The following PLXNA4 variants were observed in gnomAD, a reference collection of about 807,000 sequenced individuals.
PLXNA4 encodes the protein plexin-A4.
In PLXNA4, 44 loss-of-function variants were observed where a neutral mutation model predicts 191.8. That is an observed-to-expected ratio of 0.23 (90% CI 0.18 to 0.29). The LOEUF is 0.29. Among genes scored for constraint, PLXNA4 ranks in the 10% least tolerant of loss-of-function variants. The pLI is 1.00. For synonymous variants in PLXNA4, 1,082 were observed against 1,009.5 expected, an observed-to-expected ratio of 1.07 and a Z score of -1.36; for missense variants, 1,800 against 2,488.8, an observed-to-expected ratio of 0.72 and a Z score of 5.89.
At chr7:132,130,936 A>G (rs1794908803) in intron 31 of PLXNA4, among the ~76,000 whole-genome samples, 1 of 152,184 alleles carries the variant, frequency 6.6e-6, no homozygotes, top group Admixed American at 6.5e-5. Context: ...AGCTAGTTCC[A>G]TATCCGATGG....
chr7:132,626,302 A>G (rs1423202125), intron 2 of PLXNA4, among the ~76,000 whole-genome samples: 1 of 152,148 alleles, frequency 6.6e-6, no homozygotes, highest in Non-Finnish European at 1.5e-5. Context: ...TTCCCTCTCA[A>G]TCTAGCCTGA....
chr7:132,364,750 T>C (rs1413891669), intron 3 of PLXNA4, among the ~76,000 whole-genome samples: 2 of 152,196 alleles, frequency 1.3e-5, no homozygotes, highest in Non-Finnish European at 2.9e-5. Flanking sequence ...CGTAGTTTCA[T>C]CCTGTGGTTG....
chr7:132,400,941 A>G (rs1563078175), intron 3 of PLXNA4, among the ~76,000 whole-genome samples: 1 of 152,208 alleles, frequency 6.6e-6, no homozygotes, highest in Non-Finnish European at 1.5e-5. Flanking sequence ...TGTTTGGTCT[A>G]TTTTCAATTT....
At chr7:132,309,293 G>A (rs567077854) in intron 3 of PLXNA4, among the ~76,000 whole-genome samples, 2 of 152,246 alleles carry the variant, frequency 1.3e-5, no homozygotes, top group Admixed American at 6.5e-5. Context: ...TGAGAGATGC[G>A]GCATCTCTGA....
At chr7:132,288,083 C>A (rs1048675572) in intron 4 of PLXNA4, among the ~76,000 whole-genome samples, 1 of 152,102 alleles carries the variant, frequency 6.6e-6, no homozygotes, top group African/African-American at 2.4e-5. Flanking sequence ...GAGGAGGGGG[C>A]TGGGAAAGGC....
intron 3 of PLXNA4, among the ~76,000 whole-genome samples, chr7:132,393,048 T>C (rs1384569227): frequency 1.3e-5 from 2 of 150,472 alleles, no homozygotes; most frequent in East Asian, 4.0e-4. Flanking sequence ...AATAAAACTA[T>C]TACAGTTTTA....
intron 2 of PLXNA4, among the ~76,000 whole-genome samples, chr7:132,617,732 T>A (rs1298572781): frequency 6.6e-6 from 1 of 152,180 alleles, no homozygotes; most frequent in South Asian, 2.1e-4. Flanking sequence ...GGATCCCAAG[T>A]GGATAAGAAG....
intron 3 of PLXNA4, among the ~76,000 whole-genome samples, chr7:132,304,753 A>G (rs1352511998): frequency 1.3e-5 from 2 of 152,084 alleles, no homozygotes; most frequent in Admixed American, 1.3e-4. Flanking sequence ...GGCATGCTCC[A>G]TTGAGATTTT....
Position 132,130,321 on chromosome 7 carries a change from G to A in PLXNA4, c.*158C>T, listed in dbSNP as rs1794888016. 4.9e-6 allele frequency: 5 copies of A among 1,013,326 alleles called. No homozygotes were observed. Among genetic ancestry groups the A allele is most frequent in the East Asian group, 2.7e-5 (1 of 37,432 alleles). 62.8% of individuals were successfully genotyped at this position (1,013,326 alleles called of 1,614,324 possible). A position where few individuals can be genotyped will look rare whatever the true frequency, so the allele number is the denominator to read the frequency against. On this transcript the variant is annotated 3_prime_UTR_variant, in exon 32 of 32. Coordinates refer to ENST00000321063, the MANE Select transcript of PLXNA4 (RefSeq NM_020911.2). The stretch of plus-strand genomic sequence containing the variant: ...TGGAAGAGAAGAGATCCAGGAAGGA[G>A]GGAGAAACGGAAAGAGGCAGAGAGA...
intron 2 of PLXNA4, among the ~76,000 whole-genome samples, chr7:132,504,931 T>C (rs1798397964): frequency 6.6e-6 from 1 of 152,118 alleles, no homozygotes; most frequent in Non-Finnish European, 1.5e-5. Flanking sequence ...ACGAAACACG[T>C]GTGGTCTGAG....
At chr7:132,461,888 CT>C (rs1375823360) in intron 3 of PLXNA4, among the ~76,000 whole-genome samples, 2 of 152,330 alleles carry the variant, frequency 1.3e-5, no homozygotes, top group Admixed American at 6.5e-5. Flanking sequence ...AAAACAAAGT[CT>C]TAATGGCAAA....
intron 29 of PLXNA4, 129 bp from the exon 30 acceptor site, chr7:132,140,940 G>A (rs1795249937): frequency 2.1e-6 from 3 of 1,452,972 alleles, no homozygotes; most frequent in Non-Finnish European, 2.7e-6. Context: ...TCTCTATGCT[G>A]CGGATGGGAT....
At position 132,202,658 on chromosome 7, in the gene PLXNA4, G is replaced by C. The variant is rs769868277; in HGVS notation, c.2574C>G (p.Pro858=). The change falls in exon 12 of 32, where the codon CCC becomes CCG. Residue 858 remains proline, a synonymous_variant. Transcript: ENST00000321063. ...GACCCCGGCTTACCTCTGTGATGCG[G>C]GGGTTTGTGCACTTGCTTTTGGCAC... The part of the protein sequence containing the change: ...LSGAKSKCTN[P]RITEIIPVTG... The C allele has an allele frequency of 1.3e-6, 2 of 1,524,064 alleles. No individual in the cohort carries two copies. Among genetic ancestry groups the C allele is most frequent in the East Asian group, 2.4e-5 (1 of 41,802 alleles). 94.4% of individuals were successfully genotyped at this position (1,524,064 alleles called of 1,614,324 possible).
chr7:132,162,667 G>A (rs112858645), intron 24 of PLXNA4, among the ~76,000 whole-genome samples: 5 of 152,006 alleles, frequency 3.3e-5, no homozygotes, highest in African/African-American at 9.7e-5. Context: ...CATTTTAATC[G>A]GAGCCTCTCT....
chr7:132,272,215 C>T lies in PLXNA4; in HGVS notation c.1503+25876G>A, dbSNP rs543490246. On this transcript the variant is annotated intron_variant, in intron 4 of 31. Coordinates refer to ENST00000321063, the MANE Select transcript of PLXNA4 (RefSeq NM_020911.2). ...TCCCTGCATTCTGTTATCATCAGTG[C>T]TATTTAACCTCCTCAATATCTCTTA... Among the ~76,000 whole-genome samples the T allele has an allele frequency of 6.6e-5, 10 of 152,304 alleles. No individual in the cohort carries two copies. In the South Asian group the frequency reaches 8.3e-4, roughly 13 times the overall value.
At chr7:132,195,727 C>G (rs1332183765) in intron 13 of PLXNA4, among the ~76,000 whole-genome samples, 1 of 152,140 alleles carries the variant, frequency 6.6e-6, no homozygotes, top group African/African-American at 2.4e-5. Context: ...ATAGCCTTTC[C>G]TTTGACTTTT....
intron 2 of PLXNA4, among the ~76,000 whole-genome samples, chr7:132,604,009 TAA>T (rs1802871954): frequency 1.3e-5 from 2 of 152,196 alleles, no homozygotes; most frequent in Non-Finnish European, 2.9e-5. Flanking sequence ...ATAACATGCC[TAA>T]AGTGCCTAGC....
chr7:132,288,715 G>A (rs945545400), intron 4 of PLXNA4, among the ~76,000 whole-genome samples: 2 of 152,162 alleles, frequency 1.3e-5, no homozygotes, highest in Non-Finnish European at 2.9e-5. Context: ...GCAGAGAGAC[G>A]GTTGCATCAC....
At chr7:132,383,762 T>C (rs956199965) in intron 3 of PLXNA4, 1 of 984,790 alleles carries the variant, frequency 1.0e-6, no homozygotes, top group Non-Finnish European at 1.2e-6. Context: ...TTAGAATTGA[T>C]TCTTTAAAAA....
Sources: allele counts gnomAD v4.1 joint callset (sites outside exome capture counted in the v4.1 genomes callset), GRCh38; gene constraint gnomAD v4.1.1; transcripts MANE v1.5; gene names NCBI Gene and HGNC (gene_info 2026-07-23, HGNC 2026-07-21).